Variants in SGCD observed in about 807,000 individuals in gnomAD.
SGCD encodes sarcoglycan delta, also known as delta-sarcoglycan.
A neutral mutation model predicts 36.6 loss-of-function variants in SGCD; 18 were observed. The ratio of observed to expected loss-of-function variants is 0.49; its 90% CI spans 0.34 to 0.73. The LOEUF is 0.73. SGCD is among the 30% of genes least tolerant of loss of function. The probability of loss-of-function intolerance (pLI) is 0.01; values close to 1 mark genes in which losing one functional copy is unlikely to be tolerated. For missense variants in SGCD, 387 were observed against 346.7 expected (o/e 1.12, Z -0.92); for synonymous variants, 133 against 130.6 (o/e 1.02, Z -0.12).
chr5:155,765,450 G>GAGGA, the SGCD span, among the ~76,000 whole-genome samples: 61,782 of 130,804 alleles, frequency 0.47, 14,718 homozygotes, highest in East Asian at 0.51. Context: ...GGGTGGGAGG[G>GAGGA]AGGAAGGAAG....
intron 1 of SGCD, among the ~76,000 whole-genome samples, chr5:156,105,208 A>C (rs1163720157): frequency 1.3e-5 from 2 of 152,232 alleles, no homozygotes; most frequent in African/African-American, 4.8e-5. Flanking sequence ...ATGTGTTTTA[A>C]ACAAAGAAGG....
chr5:156,373,192 AT>A (rs1197856569), intron 3 of SGCD, among the ~76,000 whole-genome samples: 3 of 152,096 alleles, frequency 2.0e-5, no homozygotes, highest in African/African-American at 7.2e-5. Flanking sequence ...GAAGAGTGTA[AT>A]TTTCTCTAAA....
chr5:156,328,583 G>A (rs564996047), intron 1 of SGCD, among the ~76,000 whole-genome samples: 2 of 152,302 alleles, frequency 1.3e-5, no homozygotes, highest in East Asian at 3.9e-4. Flanking sequence ...ATAAGACCTA[G>A]AATGAGAAGG....
rs749356347 is a variant in SGCD at position 156,505,013 on chromosome 5, C to T, written c.193-3588C>T. Among the ~76,000 whole-genome samples, 60 of 152,220 alleles carry T rather than the reference C, an allele frequency of 3.9e-4. 1 individual carries two copies. Among genetic ancestry groups the T allele is most frequent in the South Asian group, 4.1e-4 (2 of 4,830 alleles). Reference sequence around the variant, plus strand: ...CAACATAGCATGCAGACAGATGAAGCAGCGCAGTCAGTTTATCGAAGTCAG... The same window carrying T: ...CAACATAGCATGCAGACAGATGAAGTAGCGCAGTCAGTTTATCGAAGTCAG... On this transcript the variant is annotated intron_variant, in intron 3 of 8. Transcript: ENST00000337851.
the SGCD span, among the ~76,000 whole-genome samples, chr5:155,776,959 G>A: frequency 6.6e-6 from 1 of 152,060 alleles, no homozygotes; most frequent in African/African-American, 2.4e-5. Context: ...AACATCAAAG[G>A]TAGCAACCTT....
rs569852808 is a variant in SGCD at position 156,594,954 on chromosome 5, T to C, written c.405T>C (p.Tyr135=). Residue 135 remains tyrosine (Y), a synonymous_variant, in exon 6 of 9, where the codon TAT becomes TAC. Transcript: ENST00000337851. ...LITGPKAVEA[Y]GKKFEVKTVS... ...CAGGTCCAAAAGCCGTAGAAGCTTATGGTAAAAAATTTGAGGTAAAAACTG... is the reference window on the plus strand; with the variant it reads ...CAGGTCCAAAAGCCGTAGAAGCTTACGGTAAAAAATTTGAGGTAAAAACTG... 3 of 1,610,282 alleles carry C rather than the reference T, an allele frequency of 1.9e-6. No homozygotes were observed. Among genetic ancestry groups the C allele is most frequent in the African/African-American group, 2.7e-5 (2 of 74,966 alleles).
chr5:156,755,441 CAG>C (rs1012879455), intron 7 of SGCD, among the ~76,000 whole-genome samples: 10 of 152,152 alleles, frequency 6.6e-5, no homozygotes, highest in Non-Finnish European at 1.2e-4. Context: ...AGAGAAAACA[CAG>C]AGAATGGCAA....
At chr5:156,703,733 G>T (rs1178754924) in intron 7 of SGCD, among the ~76,000 whole-genome samples, 1 of 152,078 alleles carries the variant, frequency 6.6e-6, no homozygotes, top group African/African-American at 2.4e-5. Flanking sequence ...AGGAGCAAAT[G>T]AATATAAAAT....
In SGCD at chr5:155,958,929, A is replaced by T. The variant is rs1003860236; in HGVS notation, c.-282+88505A>T. Among the ~76,000 whole-genome samples, 5 of 152,220 alleles carry T rather than the reference A, an allele frequency of 3.3e-5. No individual in the cohort carries two copies. In the East Asian group the frequency reaches 5.8e-4, roughly 18 times the overall value. ...TGATTTTTCAACCTAACTCCAAGCA[A>T]AACTCTTCACATAATCCCATACCAG... is the stretch of plus-strand genomic sequence containing the variant. On this transcript the variant is annotated intron_variant, in intron 1 of 9. Transcript: ENST00000517913.
At chr5:156,569,270 A>G (rs1455607723) in intron 4 of SGCD, among the ~76,000 whole-genome samples, 2 of 152,120 alleles carry the variant, frequency 1.3e-5, no homozygotes, top group Non-Finnish European at 2.9e-5. Context: ...TTGATCTTTT[A>G]TTATACTAGG....
chr5:156,490,246 C>T (rs553497170), intron 3 of SGCD, among the ~76,000 whole-genome samples: 3 of 152,064 alleles, frequency 2.0e-5, no homozygotes, highest in South Asian at 2.1e-4. Context: ...GAGCCCAGGA[C>T]GAGATGCCTT....
At chr5:155,979,117 T>G (rs774281169) in intron 1 of SGCD, among the ~76,000 whole-genome samples, 6 of 152,186 alleles carry the variant, frequency 3.9e-5, no homozygotes, top group African/African-American at 7.2e-5. Flanking sequence ...GATTCCAGAC[T>G]CTCCCAGGAT....
At position 156,484,698 on chromosome 5, in the gene SGCD, GT is replaced by G. The variant is rs1755582146; in HGVS notation, c.193-23898del. 2.0e-5 allele frequency among the ~76,000 whole-genome samples: 3 copies of G among 152,112 alleles called. No individual in the cohort carries two copies. The South Asian group carries it at 6.2e-4, about 32-fold the overall frequency. ...ATATTAGTCATGGTTACAATATACA[GT>G]TTTTAAGACTTTCTCATTAGAAGAT... On this transcript the variant is annotated intron_variant, in intron 3 of 8. Coordinates refer to ENST00000337851, the MANE Select transcript of SGCD (RefSeq NM_000337.6).
chr5:156,012,076 T>C (rs903995383), intron 1 of SGCD, among the ~76,000 whole-genome samples: 2 of 152,260 alleles, frequency 1.3e-5, no homozygotes, highest in Non-Finnish European at 2.9e-5. Flanking sequence ...GTATATGTTA[T>C]AAAAACGGTG....
intron 1 of SGCD, among the ~76,000 whole-genome samples, chr5:156,103,681 A>C (rs543053132): frequency 2.0e-5 from 3 of 152,216 alleles, no homozygotes; most frequent in African/African-American, 7.2e-5. Flanking sequence ...TGAATCATAT[A>C]TGAAGTGTTC....
chr5:156,506,936 C>T (rs573599765), intron 3 of SGCD, among the ~76,000 whole-genome samples: 4 of 152,226 alleles, frequency 2.6e-5, no homozygotes, highest in Admixed American at 2.6e-4. Context: ...TAGGATATAA[C>T]CAGTTTGAAA....
chr5:156,239,408 A>AAAAG, intron 3 of SGCD, among the ~76,000 whole-genome samples: 1 of 151,516 alleles, frequency 6.6e-6, no homozygotes, highest in Non-Finnish European at 1.5e-5. Context: ...TCAAAAAAAA[A>AAAAG]AAAAAAAAAA....
chr5:156,444,095 T>TCTCTCTCTCTCTCTCTCTCTCC (rs1279718900), intron 3 of SGCD, among the ~76,000 whole-genome samples: 1 of 118,714 alleles, frequency 8.4e-6, no homozygotes. Flanking sequence ...TCTCTCTCTC[T>TCTCTCTCTCTCTCTCTCTCTCC]CTCTCTCTCT....
At chr5:155,978,295 A>G (rs1162512573) in intron 1 of SGCD, among the ~76,000 whole-genome samples, 1 of 152,248 alleles carries the variant, frequency 6.6e-6, no homozygotes, top group Non-Finnish European at 1.5e-5. Context: ...GCATCTTTAG[A>G]AAATCATTCT....
Sources: gnomAD v4.1 joint callset for allele counts (sites outside exome capture counted in the v4.1 genomes callset) on GRCh38, gnomAD v4.1.1 for gene constraint, MANE v1.5 for transcripts, NCBI Gene and HGNC (gene_info 2026-07-23, HGNC 2026-07-21) for gene names.